LTBP1: variants seen among roughly 807,000 people sequenced by gnomAD.
LTBP1 encodes the protein latent transforming growth factor beta binding protein 1, also known as latent-transforming growth factor beta-binding protein 1.
In LTBP1, 129 loss-of-function variants were observed where a neutral mutation model predicts 207.6. The observed-to-expected ratio is 0.62, with a 90% CI of 0.54 to 0.72. The LOEUF (loss-of-function observed/expected upper bound fraction) is 0.72. Ranked by LOEUF, LTBP1 falls within the 30% of genes least tolerant of loss-of-function variation. LTBP1 has a pLI of 0.00. For missense variants in LTBP1, 2,281 were observed against 2,217.2 expected (o/e 1.03, Z -0.58); for synonymous variants, 963 against 833.7 (o/e 1.16, Z -2.67).
chr2:33,306,228 A>G (rs1268185522), intron 22 of LTBP1, among the ~76,000 whole-genome samples: 2 of 152,192 alleles, frequency 1.3e-5, no homozygotes, highest in Non-Finnish European at 2.9e-5. Context: ...CACATTCATT[A>G]TTTGTCTTAG....
chr2:33,152,382 G>T (rs750718893), intron 5 of LTBP1, among the ~76,000 whole-genome samples: 5 of 152,146 alleles, frequency 3.3e-5, no homozygotes, highest in Non-Finnish European at 5.9e-5. Flanking sequence ...CCTCACGCCT[G>T]CAAGAATGAC....
chr2:33,260,111 CT>C (rs1201484682), intron 13 of LTBP1, among the ~76,000 whole-genome samples: 1 of 152,080 alleles, frequency 6.6e-6, no homozygotes, highest in Non-Finnish European at 1.5e-5. Context: ...TAGAATGTTG[CT>C]TTTTGAAAAG....
intron 31 of LTBP1, among the ~76,000 whole-genome samples, chr2:33,374,370 G>A (rs894278383): frequency 2.0e-5 from 3 of 152,058 alleles, no homozygotes; most frequent in East Asian, 1.9e-4. Context: ...AGACCTCTTC[G>A]TGAGGTTATG....
intron 3 of LTBP1, among the ~76,000 whole-genome samples, chr2:33,100,162 T>A (rs542429083): frequency 2.8e-4 from 42 of 152,272 alleles, no homozygotes; most frequent in African/African-American, 1.0e-3. Flanking sequence ...AAGAGGAGCA[T>A]CACTGGAGAG....
At chr2:33,128,041 CA>C (rs2081540152) in intron 4 of LTBP1, among the ~76,000 whole-genome samples, 1 of 152,058 alleles carries the variant, frequency 6.6e-6, no homozygotes, top group South Asian at 2.1e-4. Flanking sequence ...TCCTAATTTT[CA>C]AAGTGTGTGG....
chr2:33,053,137 C>T (rs1312324869), intron 3 of LTBP1, among the ~76,000 whole-genome samples: 1 of 152,158 alleles, frequency 6.6e-6, no homozygotes, highest in African/African-American at 2.4e-5. Context: ...TCCCAAAGTG[C>T]TGGAATTACA....
intron 24 of LTBP1, among the ~76,000 whole-genome samples, chr2:33,340,417 G>A (rs1366565786): frequency 6.6e-6 from 1 of 152,160 alleles, no homozygotes; most frequent in Non-Finnish European, 1.5e-5. Flanking sequence ...GGCAGGGCGG[G>A]AGCCTTGGCA....
intron 2 of LTBP1, among the ~76,000 whole-genome samples, chr2:32,980,997 T>C (rs1445174325): frequency 6.6e-6 from 1 of 152,228 alleles, no homozygotes; most frequent in Non-Finnish European, 1.5e-5. Flanking sequence ...TTGCTGCTTT[T>C]AGGATCTTTT....
chr2:33,300,071 G>A (rs547993396), intron 20 of LTBP1, among the ~76,000 whole-genome samples: 4 of 152,120 alleles, frequency 2.6e-5, no homozygotes, highest in Admixed American at 2.6e-4. Flanking sequence ...ATTCCTAGTC[G>A]AGTTTTCCTT....
intron 3 of LTBP1, among the ~76,000 whole-genome samples, chr2:33,039,092 A>G (rs902156705): frequency 2.0e-5 from 3 of 152,226 alleles, no homozygotes. Flanking sequence ...TCTCACAAAC[A>G]TGTACTCGAA....
intron 22 of LTBP1, among the ~76,000 whole-genome samples, chr2:33,306,751 A>G (rs924723660): frequency 5.3e-5 from 8 of 152,030 alleles, no homozygotes; most frequent in Non-Finnish European, 8.8e-5. Flanking sequence ...TCCTCGCTTC[A>G]TTATCTCCAT....
At chr2:33,196,587 C>A (rs907301392) in intron 7 of LTBP1, among the ~76,000 whole-genome samples, 1 of 151,958 alleles carries the variant, frequency 6.6e-6, no homozygotes, top group East Asian at 1.9e-4. Flanking sequence ...ATCAGGATTG[C>A]GTTACAGGCT....
At chr2:33,195,714 A>G (rs1456373312) in intron 7 of LTBP1, among the ~76,000 whole-genome samples, 1 of 152,258 alleles carries the variant, frequency 6.6e-6, no homozygotes, top group Non-Finnish European at 1.5e-5. Context: ...AAGCATTAGC[A>G]GGACTTAAGA....
chr2:33,394,744 C>A (rs1210266834), intron 32 of LTBP1, among the ~76,000 whole-genome samples: 1 of 152,132 alleles, frequency 6.6e-6, no homozygotes, highest in Non-Finnish European at 1.5e-5. Context: ...AGCATGATGC[C>A]TCCAGCTTTG....
chr2:33,163,556 A>C (rs1379573056), intron 5 of LTBP1, among the ~76,000 whole-genome samples: 1 of 152,182 alleles, frequency 6.6e-6, no homozygotes, highest in African/African-American at 2.4e-5. Context: ...AGAAGGAATA[A>C]ATTGAATGTA....
intron 26 of LTBP1, among the ~76,000 whole-genome samples, chr2:33,359,965 T>C (rs147062458): frequency 6.6e-6 from 1 of 152,346 alleles, no homozygotes; most frequent in African/African-American, 2.4e-5. Context: ...TAGGACACAG[T>C]TGAGCTGGGA....
intron 5 of LTBP1, among the ~76,000 whole-genome samples, chr2:33,137,150 A>G (rs1053164515): frequency 6.6e-6 from 1 of 152,212 alleles, no homozygotes; most frequent in Non-Finnish European, 1.5e-5. Context: ...ATACAGAAAA[A>G]TTCAAAAACG....
chr2:33,051,659 G>C (rs1359380330), intron 3 of LTBP1, among the ~76,000 whole-genome samples: 1 of 152,168 alleles, frequency 6.6e-6, no homozygotes, highest in Non-Finnish European at 1.5e-5. Context: ...GGCTGCTCTT[G>C]GGTTCCCAGT....
At chr2:33,046,668 A>C (rs1459693799) in intron 3 of LTBP1, among the ~76,000 whole-genome samples, 1 of 152,024 alleles carries the variant, frequency 6.6e-6, no homozygotes, top group East Asian at 1.9e-4. Flanking sequence ...TACTGTTTGG[A>C]ATAGTTTCAG....
Sources: allele counts gnomAD v4.1 joint callset (sites outside exome capture counted in the v4.1 genomes callset), GRCh38; gene constraint gnomAD v4.1.1; transcripts MANE v1.5; gene names NCBI Gene and HGNC (gene_info 2026-07-23, HGNC 2026-07-21).